TSPAN4: variants seen among roughly 807,000 people sequenced by gnomAD.
TSPAN4 encodes the protein tetraspanin 4, also known as tetraspanin-4.
In TSPAN4, 38 loss-of-function variants were observed where a neutral mutation model predicts 31.5. That is an observed-to-expected ratio of 1.21 (90% CI 0.93 to 1.58). The LOEUF (loss-of-function observed/expected upper bound fraction) is 1.58, where lower values mean the gene tolerates loss of function less well. Among genes scored for constraint, TSPAN4 ranks in the 40% most tolerant of loss-of-function variants. TSPAN4 has a pLI of 0.00. For synonymous variants in TSPAN4, 186 were observed against 144.6 expected (o/e 1.29, Z -2.06); for missense variants, 330 against 317.3 (o/e 1.04, Z -0.30).
At chr11:845,937 T>C (rs900148747) in intron 1 of TSPAN4, among the ~76,000 whole-genome samples, 2 of 152,134 alleles carry the variant, frequency 1.3e-5, no homozygotes, top group African/African-American at 4.8e-5. Flanking sequence ...CTCCTCTGTG[T>C]GCATGAGGGA....
In TSPAN4 at chr11:848,975, A is replaced by G; in HGVS notation, c.-17-1313A>G. 1.5e-6 allele frequency: 1 copy of G among 656,564 alleles called. No homozygotes were observed. Among genetic ancestry groups the G allele is most frequent in the Non-Finnish European group, 2.8e-6 (1 of 356,586 alleles). The allele number at this position is 656,564 out of a possible 1,614,324, so 40.7% of individuals were successfully genotyped here. ...CAAGGGGTGGGGTGGGGTCTTTTAC[A>G]GGCTGACTTCCAGCCTGGGCTGGAG... On this transcript the variant is annotated intron_variant, in intron 2 of 8. Transcript: ENST00000397397. The surrounding 1 kb of genome is among the most constrained non-coding windows in gnomAD (Gnocchi z 5.7).
intron 3 of TSPAN4, among the ~76,000 whole-genome samples, chr11:855,138 GGGGCCTCTGCAGGTTCCA>G (rs1179378610): frequency 7.2e-5 from 11 of 152,136 alleles, no homozygotes; most frequent in Non-Finnish European, 1.3e-4. Context: ...CTGGCTCCAC[GGGGCCTCTGCAGGTTCCA>G]GGTCCCAGCT....
chr11:861,770 T>G (rs375525402), intron 3 of TSPAN4, among the ~76,000 whole-genome samples: 3 of 147,612 alleles, frequency 2.0e-5, no homozygotes, highest in African/African-American at 7.6e-5. Flanking sequence ...ATACAAAAAA[T>G]TAACCGGGTG....
Position 865,726 on chromosome 11 carries a change from C to T in TSPAN4, c.465C>T (p.Asp155=). The change falls in exon 7 of 9, where the codon GAC becomes GAT. Residue 155 remains aspartate (D), a synonymous_variant. Transcript: ENST00000397397. ...FRCCGVSNYT[D]WFEVYNATRV... The stretch of plus-strand genomic sequence containing the variant: ...GCTGTGGCGTCTCCAACTACACTGA[C>T]TGGTTCGAGGTGTACAACGCCACGC... 9 of 1,613,474 alleles carry T rather than the reference C, an allele frequency of 5.6e-6. No homozygotes were observed. Among genetic ancestry groups the T allele is most frequent in the Non-Finnish European group, 7.6e-6 (9 of 1,179,960 alleles).
chr11:845,415 G>C (rs1408411429), intron 1 of TSPAN4, among the ~76,000 whole-genome samples: 1 of 152,132 alleles, frequency 6.6e-6, no homozygotes, highest in East Asian at 1.9e-4. Flanking sequence ...CTGGGAGACC[G>C]GCGCTGTGAG....
rs533175195 is a variant in TSPAN4, at chr11:847,618, C to A, written c.-18+318C>A. On this transcript the variant is annotated intron_variant, in intron 2 of 8. Transcript: ENST00000397397. ...GCCCAGCTCCCCGCCCCCACCCCCC[C>A]CCAACCCCGCTCCTCCTGACCCTCG... Among the ~76,000 whole-genome samples, 1,056 of 151,280 alleles carry A rather than the reference C, an allele frequency of 7.0e-3. 3 individuals carry two copies. Among genetic ancestry groups the A allele is most frequent in the Non-Finnish European group, 0.011 (772 of 67,736 alleles).
intron 3 of TSPAN4, chr11:859,835 G>C (rs1848351166): frequency 1.3e-5 from 2 of 152,246 alleles, no homozygotes; most frequent in South Asian, 4.1e-4. Flanking sequence ...CCCAGGCTGG[G>C]CACTGTGCCC....
At position 852,907 on chromosome 11, in the gene TSPAN4, G is replaced by A. The variant is rs199655724; in HGVS notation, c.63+2540G>A. 5.7e-3 allele frequency among the ~76,000 whole-genome samples: 762 copies of A among 133,708 alleles called. 1 individual carries two copies. Among genetic ancestry groups the A allele is most frequent in the Admixed American group, 9.5e-3 (127 of 13,332 alleles). 87.7% of individuals were successfully genotyped at this position (133,708 alleles called of 152,430 possible). On this transcript the variant is annotated intron_variant, in intron 3 of 8. Transcript: ENST00000397397. Reference sequence around the variant, plus strand: ...CCGCGTGTGTCTGTCCTGACCCCCCGCTGCCGGAGTCCTGCTGGGCCTGTG... The same window carrying A: ...CCGCGTGTGTCTGTCCTGACCCCCCACTGCCGGAGTCCTGCTGGGCCTGTG...
At position 862,577 on chromosome 11, in the gene TSPAN4, G is replaced by C. The variant is rs34536189; in HGVS notation, c.91G>C (p.Gly31Arg). The C allele has an allele frequency of 6.2e-7, 1 of 1,610,732 alleles. No individual in the cohort carries two copies. Among genetic ancestry groups the C allele is most frequent in the Non-Finnish European group, 8.5e-7 (1 of 1,179,004 alleles). The change falls in exon 4 of 9, where the codon GGC becomes CGC. Residue 31 changes from glycine to arginine, a missense_variant. Coordinates refer to ENST00000397397, the MANE Select transcript of TSPAN4 (RefSeq NM_003271.5). ...GGGAGGCTGTGGCGTGCTGGGTGTC[G>C]GCATCTGGCTGGCCGCCACACAGGG... is the stretch of plus-strand genomic sequence containing the variant. ...WLGGCGVLGV[G>R]IWLAATQGSF...
At position 862,744 on chromosome 11, in the gene TSPAN4, G is replaced by A. The variant is rs1350943602; in HGVS notation, c.255+3G>A. The A allele has an allele frequency of 6.2e-7, 1 of 1,607,718 alleles. No homozygotes were observed. Among genetic ancestry groups the A allele is most frequent in the African/African-American group, 1.3e-5 (1 of 74,800 alleles). On this transcript the variant is annotated splice_donor_region_variant and intron_variant, in intron 4 of 8. Transcript: ENST00000397397. ...AGAACAAGTGCCTCCTGCTCACTGT[G>A]AGTGCCGGGGCCCAAGCGATGCTCC...
intron 1 of TSPAN4, among the ~76,000 whole-genome samples, chr11:846,121 T>C (rs1847310763): frequency 6.6e-6 from 1 of 152,214 alleles, no homozygotes; most frequent in African/African-American, 2.4e-5. Context: ...GTGTGTGGGC[T>C]TGGCTCTGCT....
chr11:843,908 C>T (rs1021265817), intron 1 of TSPAN4, among the ~76,000 whole-genome samples: 36 of 152,150 alleles, frequency 2.4e-4, no homozygotes, highest in African/African-American at 7.2e-4. Flanking sequence ...GAAGGGTTTT[C>T]TGGGTCCGGA....
At chr11:850,406 C>G (rs769665406) in intron 3 of TSPAN4, 39 bp downstream of exon 3, 9 of 1,565,922 alleles carry the variant, frequency 5.7e-6, no homozygotes, top group Admixed American at 1.7e-5. Context: ...GGGAAAGACC[C>G]GGGGTCCCTC....
At chr11:854,998 G>C (rs1847968458) in intron 3 of TSPAN4, among the ~76,000 whole-genome samples, 2 of 152,246 alleles carry the variant, frequency 1.3e-5, no homozygotes, top group African/African-American at 4.8e-5. Flanking sequence ...GAGCCTTGGG[G>C]AGTGTGTGGC....
chr11:859,662 G>C (rs1848338782), intron 3 of TSPAN4: 1 of 155,678 alleles, frequency 6.4e-6, no homozygotes, highest in African/African-American at 2.4e-5. Context: ...CACACAACTT[G>C]ACTCACACGT....
At chr11:863,524 CCA>C (rs1848592914) in intron 4 of TSPAN4, 1 of 152,340 alleles carries the variant, frequency 6.6e-6, no homozygotes, top group Non-Finnish European at 1.5e-5. Context: ...AGGTTGGGGC[CCA>C]GAGACCCCTG....
chr11:866,507 C>T (rs1231859723), intron 8 of TSPAN4, 55 bp from the exon 9 acceptor site: 1 of 1,569,300 alleles, frequency 6.4e-7, no homozygotes. Context: ...CTGCTCTGGG[C>T]TTGAGGCCTG....
chr11:843,190 CG>C (rs1480267845), intron 1 of TSPAN4: 1 of 152,190 alleles, frequency 6.6e-6, no homozygotes, highest in East Asian at 1.9e-4. Context: ...GCGCTGAGTT[CG>C]GGGGTCCCAT....
intron 3 of TSPAN4, among the ~76,000 whole-genome samples, chr11:855,378 T>C (rs1589772362): frequency 6.6e-6 from 1 of 152,228 alleles, no homozygotes; most frequent in Non-Finnish European, 1.5e-5. Context: ...GGCCACCTCC[T>C]TGCTGTTCCC....
Sources: gnomAD v4.1 joint callset for allele counts (sites outside exome capture counted in the v4.1 genomes callset) on GRCh38, gnomAD v4.1.1 for gene constraint, Gnocchi (gnomAD v3.1) non-coding constraint, MANE v1.5 for transcripts, NCBI Gene and HGNC (gene_info 2026-07-23, HGNC 2026-07-21) for gene names.